KCNIP4: variants seen among roughly 807,000 people sequenced by gnomAD.
The protein encoded by KCNIP4 is potassium voltage-gated channel interacting protein 4, also known as Kv channel-interacting protein 4.
In KCNIP4, 12 loss-of-function variants were observed where a neutral mutation model predicts 34.0. The observed-to-expected ratio is 0.35, with a 90% confidence interval of 0.23 to 0.57. The LOEUF (loss-of-function observed/expected upper bound fraction) is 0.57. Ranked by LOEUF, KCNIP4 falls within the 20% of genes least tolerant of loss-of-function variation. The probability of loss-of-function intolerance (pLI) is 0.83; values close to 1 mark genes in which losing one functional copy is unlikely to be tolerated. For missense variants in KCNIP4, 238 were observed against 311.7 expected, an observed-to-expected ratio of 0.76 and a Z score of 1.78; for synonymous variants, 124 against 102.2, an observed-to-expected ratio of 1.21 and a Z score of -1.29.
chr4:21,948,543 G>T, intron 1 of KCNIP4, 28 bp downstream of exon 1: 3 of 1,604,798 alleles, frequency 1.9e-6, no homozygotes, highest in Admixed American at 1.7e-5. Context: ...GGAAGCGGGC[G>T]CCCGCTCGCA....
At chr4:21,072,951 G>T (rs912446363) in intron 1 of KCNIP4, among the ~76,000 whole-genome samples, 2 of 152,274 alleles carry the variant, frequency 1.3e-5, no homozygotes. Flanking sequence ...AGATCAGATG[G>T]TTGTAGATGT....
At chr4:21,416,018 C>CA (rs1464765423) in intron 1 of KCNIP4, among the ~76,000 whole-genome samples, 1 of 152,198 alleles carries the variant, frequency 6.6e-6, no homozygotes, top group African/African-American at 2.4e-5. Flanking sequence ...ACAGACAACA[C>CA]AGGATGACAG....
chr4:20,987,917 C>T (rs1032310352), intron 1 of KCNIP4, among the ~76,000 whole-genome samples: 3 of 143,560 alleles, frequency 2.1e-5, no homozygotes, highest in Non-Finnish European at 3.0e-5. Flanking sequence ...AGGAGTACCT[C>T]GTGAACCCGG....
chr4:20,843,638 A>C (rs36124206), intron 3 of KCNIP4, among the ~76,000 whole-genome samples: 30,343 of 152,130 alleles, frequency 0.2, 3,273 homozygotes, highest in South Asian at 0.39. Flanking sequence ...GCTGAGGCAG[A>C]AGAGTCCCTT....
chr4:21,057,204 C>T (rs1015607423), intron 1 of KCNIP4, among the ~76,000 whole-genome samples: 3 of 152,044 alleles, frequency 2.0e-5, no homozygotes, highest in East Asian at 1.9e-4. Context: ...GTTTACAATG[C>T]GTACAAATCA....
chr4:20,976,808 T>C (rs1029213803), intron 1 of KCNIP4, among the ~76,000 whole-genome samples: 2 of 152,154 alleles, frequency 1.3e-5, no homozygotes, highest in East Asian at 3.9e-4. Context: ...TCTATAATCA[T>C]GTTTGAACAG....
rs182482952 is a variant in KCNIP4, at chr4:21,256,069, G to A, written c.62-373360C>T. Among the ~76,000 whole-genome samples the A allele has an allele frequency of 1.7e-4, 26 of 152,130 alleles. No homozygotes were observed. The East Asian group carries it at 4.8e-3, about 28-fold the overall frequency. Reference sequence around the variant, plus strand: ...CTAGCAAGGTAAAAAAAAAAATTAGGATAATAAAATACAGAGTTGTAGCAG... The same window carrying A: ...CTAGCAAGGTAAAAAAAAAAATTAGAATAATAAAATACAGAGTTGTAGCAG... On this transcript the variant is annotated intron_variant, in intron 1 of 8. Coordinates refer to ENST00000382152, the MANE Select transcript of KCNIP4 (RefSeq NM_025221.6).
At chr4:21,717,926 T>C (rs752258218) in intron 1 of KCNIP4, among the ~76,000 whole-genome samples, 1 of 152,204 alleles carries the variant, frequency 6.6e-6, no homozygotes, top group Non-Finnish European at 1.5e-5. Flanking sequence ...CTCAATTCAC[T>C]AGTGTCATCC....
intron 6 of KCNIP4, among the ~76,000 whole-genome samples, chr4:20,733,491 C>T (rs1427845695): frequency 2.0e-5 from 3 of 152,056 alleles, no homozygotes; most frequent in East Asian, 1.9e-4. Flanking sequence ...TAATACAGAG[C>T]GAATATATAT....
intron 1 of KCNIP4, among the ~76,000 whole-genome samples, chr4:21,795,793 T>C (rs1418064005): frequency 6.6e-6 from 1 of 151,782 alleles, no homozygotes; most frequent in Admixed American, 6.6e-5. Flanking sequence ...ATTTCCCGGG[T>C]GTGGTGGCTC....
At chr4:21,569,266 G>T (rs77248318) in intron 1 of KCNIP4, among the ~76,000 whole-genome samples, 2 of 33,730 alleles carry the variant, frequency 5.9e-5, no homozygotes, top group Admixed American at 3.6e-4. Flanking sequence ...AAAAAAAAAA[G>T]CTTGATTGAC....
At chr4:21,393,197 A>G (rs1031224080) in intron 1 of KCNIP4, among the ~76,000 whole-genome samples, 4 of 152,226 alleles carry the variant, frequency 2.6e-5, no homozygotes, top group African/African-American at 9.6e-5. Context: ...TCAAATGTCC[A>G]TCAGAATAGA....
intron 1 of KCNIP4, among the ~76,000 whole-genome samples, chr4:21,232,178 T>C (rs1758839315): frequency 6.6e-6 from 1 of 152,096 alleles, no homozygotes; most frequent in Admixed American, 6.6e-5. Flanking sequence ...TAAGCACAGG[T>C]ACAAATTCCT....
At chr4:21,238,754 C>T (rs1759565521) in intron 1 of KCNIP4, among the ~76,000 whole-genome samples, 1 of 152,172 alleles carries the variant, frequency 6.6e-6, no homozygotes, top group South Asian at 2.1e-4. Flanking sequence ...GAAGAACATT[C>T]CATGCTCATG....
At chr4:21,011,472 TTTGGAAAAATAGCA>T (rs1372104220) in intron 1 of KCNIP4, among the ~76,000 whole-genome samples, 1 of 152,210 alleles carries the variant, frequency 6.6e-6, no homozygotes, top group African/African-American at 2.4e-5. Flanking sequence ...TCCAGCCAAC[TTTGGAAAAATAGCA>T]TTTCAACAGC....
chr4:21,739,085 G>T lies in KCNIP4; in HGVS notation c.61+209486C>A, dbSNP rs566005393. Among the ~76,000 whole-genome samples, 20 of 152,188 alleles carry T rather than the reference G, an allele frequency of 1.3e-4. No individual in the cohort carries two copies. In the East Asian group the frequency reaches 3.7e-3, roughly 28 times the overall value. On this transcript the variant is annotated intron_variant, in intron 1 of 8. Transcript: ENST00000382152. Reference sequence around the variant, plus strand: ...AGTGCTGGATTGGCCACTACATTTTGCTGAGAAAAGGAAGGAAAGGTAAAA... The same window carrying T: ...AGTGCTGGATTGGCCACTACATTTTTCTGAGAAAAGGAAGGAAAGGTAAAA...
intron 1 of KCNIP4, among the ~76,000 whole-genome samples, chr4:21,247,819 A>ACCACAGG (rs1760377084): frequency 9.4e-6 from 1 of 106,816 alleles, no homozygotes; most frequent in African/African-American, 4.6e-5. Flanking sequence ...ATATATATAT[A>ACCACAGG]TACACACACA....
At chr4:21,365,049 G>A (rs73802587) in intron 1 of KCNIP4, among the ~76,000 whole-genome samples, 1,662 of 152,264 alleles carry the variant, frequency 0.011, 32 homozygotes, top group African/African-American at 0.038. Context: ...AAGGAGAAAG[G>A]AGTTTTCTCC....
At chr4:20,997,130 G>T (rs1737622665) in intron 1 of KCNIP4, among the ~76,000 whole-genome samples, 1 of 152,142 alleles carries the variant, frequency 6.6e-6, no homozygotes, top group African/African-American at 2.4e-5. Flanking sequence ...AAGATTTAAT[G>T]ATCATTTCAG....
Sources: gnomAD v4.1 joint callset for allele counts (sites outside exome capture counted in the v4.1 genomes callset) on GRCh38, gnomAD v4.1.1 for gene constraint, MANE v1.5 for transcripts, NCBI Gene and HGNC (gene_info 2026-07-23, HGNC 2026-07-21) for gene names.